Variants in DOCK7 observed in about 807,000 individuals in gnomAD.
The protein encoded by DOCK7 is dedicator of cytokinesis protein 7.
In DOCK7, 138 loss-of-function variants were observed where a neutral mutation model predicts 271.0. The observed-to-expected ratio is 0.51, with a 90% CI of 0.44 to 0.59. The LOEUF is 0.59. DOCK7 is among the 20% of genes least tolerant of loss of function. The pLI is 0.00. For synonymous variants in DOCK7, 823 were observed against 876.1 expected (o/e 0.94, Z 1.07); for missense variants, 2,066 against 2,592.4 (o/e 0.80, Z 4.41).
At chr1:62,592,527 G>GA (rs1320266921) in intron 14 of DOCK7, among the ~76,000 whole-genome samples, 1 of 151,884 alleles carries the variant, frequency 6.6e-6, no homozygotes, top group South Asian at 2.1e-4. Flanking sequence ...ATGACAAACT[G>GA]AAAAAATCTA....
chr1:62,589,441 T>A (rs537113326), intron 14 of DOCK7, among the ~76,000 whole-genome samples: 1 of 152,178 alleles, frequency 6.6e-6, no homozygotes, highest in Non-Finnish European at 1.5e-5. Flanking sequence ...GTGACAATTT[T>A]CTGTTATGAC....
chr1:62,671,279 A>G (rs1293851543), intron 1 of DOCK7, among the ~76,000 whole-genome samples: 1 of 152,246 alleles, frequency 6.6e-6, no homozygotes, highest in Non-Finnish European at 1.5e-5. Flanking sequence ...AGTGCCCAGC[A>G]CATACAAAGT....
chr1:62,562,357 G>A (rs911347692), intron 18 of DOCK7, among the ~76,000 whole-genome samples: 2 of 149,340 alleles, frequency 1.3e-5, no homozygotes, highest in Admixed American at 6.8e-5. Flanking sequence ...TCAGCCTCCC[G>A]AATAACTGGG....
chr1:62,659,365 C>T (rs1272029173), intron 2 of DOCK7, among the ~76,000 whole-genome samples: 2 of 151,936 alleles, frequency 1.3e-5, no homozygotes, highest in Non-Finnish European at 2.9e-5. Context: ...GGATATAACA[C>T]AATACCTTGT....
rs141117778 is a variant in DOCK7, at chr1:62,462,567, A to C, written c.6213-4862T>G. ...AATTTATAATAGTGATGACACAGCA[A>C]ACCAGACTTTCACCACAAACCTGTG... On this transcript the variant is annotated intron_variant, in intron 48 of 49. Coordinates refer to ENST00000635253, the MANE Select transcript of DOCK7 (RefSeq NM_001367561.1). 1.8e-4 allele frequency among the ~76,000 whole-genome samples: 27 copies of C among 152,364 alleles called. No homozygotes were observed. In the East Asian group the frequency reaches 3.7e-3, roughly 21 times the overall value.
chr1:62,485,625 T>C, intron 43 of DOCK7: 1 of 984,816 alleles, frequency 1.0e-6, no homozygotes. Context: ...TTTCATCGAG[T>C]CAAAAAGAAA....
chr1:62,659,026 C>T (rs1305792704), intron 2 of DOCK7, among the ~76,000 whole-genome samples: 1 of 151,296 alleles, frequency 6.6e-6, no homozygotes, highest in African/African-American at 2.4e-5. Flanking sequence ...GAGACTCTGT[C>T]ACCAGCAGAT....
chr1:62,564,869 C>T (rs1646458782), intron 18 of DOCK7, among the ~76,000 whole-genome samples: 1 of 152,130 alleles, frequency 6.6e-6, no homozygotes, highest in African/African-American at 2.4e-5. Flanking sequence ...AAGGGGATAT[C>T]ACCACTGATC....
chr1:62,517,348 C>T (rs1644693107), intron 31 of DOCK7, among the ~76,000 whole-genome samples: 1 of 152,190 alleles, frequency 6.6e-6, no homozygotes, highest in African/African-American at 2.4e-5. Context: ...TGTATCCCAG[C>T]ACTTCAGGAG....
chr1:62,671,116 G>A (rs1475132115), intron 1 of DOCK7, among the ~76,000 whole-genome samples: 4 of 151,956 alleles, frequency 2.6e-5, no homozygotes, highest in Admixed American at 6.6e-5. Context: ...CCACCAGAAG[G>A]AAGAAACTCT....
At chr1:62,479,474 T>C (rs978058112) in intron 43 of DOCK7, among the ~76,000 whole-genome samples, 1 of 152,096 alleles carries the variant, frequency 6.6e-6, no homozygotes, top group South Asian at 2.1e-4. Context: ...TCTATATAGA[T>C]TGAATGATTC....
At chr1:62,500,554 A>G (rs147271840) in intron 37 of DOCK7, among the ~76,000 whole-genome samples, 1 of 152,334 alleles carries the variant, frequency 6.6e-6, no homozygotes, top group Admixed American at 6.5e-5. Context: ...CACATCATGT[A>G]CCTGAGAAAC....
chr1:62,672,406 G>C (rs1660120053), intron 1 of DOCK7, among the ~76,000 whole-genome samples: 1 of 152,020 alleles, frequency 6.6e-6, no homozygotes, highest in African/African-American at 2.4e-5. Context: ...ACCCTATGAA[G>C]TAGGTACTCT....
chr1:62,495,315 G>T, intron 39 of DOCK7: 1 of 219,572 alleles, frequency 4.6e-6, no homozygotes, highest in Non-Finnish European at 8.9e-6. Context: ...CTCAAGGCCA[G>T]GTGCGGTGGC....
At chr1:62,592,624 G>C (rs1174849050) in intron 14 of DOCK7, among the ~76,000 whole-genome samples, 2 of 152,042 alleles carry the variant, frequency 1.3e-5, no homozygotes, top group Non-Finnish European at 2.9e-5. Flanking sequence ...AACTTAAAAA[G>C]AGGGTAACAA....
At chr1:62,617,868 A>G (rs1038957964) in intron 14 of DOCK7, among the ~76,000 whole-genome samples, 3 of 152,074 alleles carry the variant, frequency 2.0e-5, no homozygotes, top group Non-Finnish European at 2.9e-5. Flanking sequence ...AGATCAGGAT[A>G]TATTTTGGAA....
intron 14 of DOCK7, chr1:62,604,454 A>G: frequency 1.1e-6 from 1 of 901,512 alleles, no homozygotes. Flanking sequence ...TTGGTAGTGT[A>G]TAGATTATTT....
At chr1:62,479,051 A>T (rs1256922592) in intron 43 of DOCK7, 1 of 152,154 alleles carries the variant, frequency 6.6e-6, no homozygotes, top group Non-Finnish European at 1.5e-5. Context: ...TTGCTCAGCT[A>T]ATTTTTACAA....
intron 48 of DOCK7, 94 bp downstream of exon 48, chr1:62,473,888 T>C (rs1026753524): frequency 3.1e-6 from 3 of 980,416 alleles, no homozygotes; most frequent in Non-Finnish European, 4.5e-6. Flanking sequence ...CCTAGCCTAT[T>C]TTCTCTTTTC....
Sources: allele counts gnomAD v4.1 joint callset (sites outside exome capture counted in the v4.1 genomes callset), GRCh38; gene constraint gnomAD v4.1.1; transcripts MANE v1.5; gene names NCBI Gene and HGNC (gene_info 2026-07-23, HGNC 2026-07-21).